Variants in MS4A4E observed in about 807,000 individuals in gnomAD.
MS4A4E encodes the protein membrane spanning 4-domains A4E, also known as putative membrane-spanning 4-domains subfamily A member 4E.
In MS4A4E, 23 loss-of-function variants were observed where a neutral mutation model predicts 13.3. The observed-to-expected ratio is 1.73, with a 90% CI of 1.25 to 2.45. The LOEUF is 2.45. Among genes scored for constraint, MS4A4E ranks in the 30% most tolerant of loss-of-function variants. The probability of loss-of-function intolerance (pLI) is 0.00; values close to 1 mark genes in which losing one functional copy is unlikely to be tolerated. For synonymous variants in MS4A4E, 36 were observed against 45.6 expected, an observed-to-expected ratio of 0.79 and a Z score of 0.85; for missense variants, 144 against 131.2, an observed-to-expected ratio of 1.10 and a Z score of -0.48.
At chr11:60,221,337 G>A (rs963457002) in intron 3 of MS4A4E, among the ~76,000 whole-genome samples, 1 of 152,136 alleles carries the variant, frequency 6.6e-6, no homozygotes, top group Admixed American at 6.5e-5. Context: ...ACTCCTGAGG[G>A]CACAAGTAAG....
At chr11:60,223,077 T>C (rs1185536997) in intron 3 of MS4A4E, among the ~76,000 whole-genome samples, 1 of 151,746 alleles carries the variant, frequency 6.6e-6, no homozygotes, top group Non-Finnish European at 1.5e-5. Flanking sequence ...CCTGCTGAGG[T>C]GCTTCCTGAA....
At chr11:60,232,523 A>G (rs767565845) in intron 1 of MS4A4E, among the ~76,000 whole-genome samples, 13 of 152,148 alleles carry the variant, frequency 8.5e-5, no homozygotes, top group Non-Finnish European at 1.5e-4. Context: ...CCTACAGGGA[A>G]AAGGTTAGTG....
chr11:60,202,136 G>A (rs1007645091), intron 8 of MS4A4E, among the ~76,000 whole-genome samples: 2 of 152,186 alleles, frequency 1.3e-5, no homozygotes, highest in African/African-American at 4.8e-5. Flanking sequence ...CAGCAGAGCA[G>A]CCACTTGCAA....
Position 60,228,639 on chromosome 11 carries a change from T to C in MS4A4E, c.145-12A>G. ...TGTCCACACAAAACCTGCACACAGA[T>C]ATTTATAGCAACGTTACTCCTAATT... is the stretch of plus-strand genomic sequence containing the variant. On this transcript the variant is annotated splice_polypyrimidine_tract_variant and intron_variant, in intron 2 of 8. Transcript: ENST00000651255. 1 of 697,202 alleles carries C rather than the reference T, an allele frequency of 1.4e-6. No individual in the cohort carries two copies. The highest frequency in any genetic ancestry group is 2.6e-6 in the Non-Finnish European group (1 of 382,448). The allele number at this position is 697,202 out of a possible 1,614,324, so 43.2% of individuals were successfully genotyped here.
chr11:60,230,249 A>C (rs1242804541), intron 1 of MS4A4E, among the ~76,000 whole-genome samples, 178 bp from the exon 2 acceptor site: 1 of 152,184 alleles, frequency 6.6e-6, no homozygotes, highest in East Asian at 1.9e-4. Context: ...GGGTGGAGAG[A>C]GAGAGAGAGA....
rs1459693652 is a variant in MS4A4E, at chr11:60,208,486, CTGAAATATAATGAA to C, written c.483+93_483+106del. ...GGCCCAGACTCTTGATCCATGGAAACTGAAATATAATGAATGTGTACTGTGTTAAGACTATAAGT... is the reference window on the plus strand; with the variant it reads ...GGCCCAGACTCTTGATCCATGGAAACTGTGTACTGTGTTAAGACTATAAGT... On this transcript the variant is annotated intron_variant, in intron 6 of 8. Transcript: ENST00000651255. The C allele has an allele frequency of 4.7e-5, 16 of 338,328 alleles. No homozygotes were observed. The Admixed American group carries it at 6.1e-4, about 13-fold the overall frequency. 21.0% of individuals were successfully genotyped at this position (338,328 alleles called of 1,614,324 possible). A position where few individuals can be genotyped will look rare whatever the true frequency, so the allele number is the denominator to read the frequency against.
chr11:60,206,076 T>C (rs2084036277), intron 6 of MS4A4E, among the ~76,000 whole-genome samples: 1 of 152,110 alleles, frequency 6.6e-6, no homozygotes, highest in African/African-American at 2.4e-5. Context: ...TCCAAGGTAC[T>C]TTCTATGGGT....
intron 3 of MS4A4E, chr11:60,225,109 G>C: frequency 6.7e-7 from 1 of 1,501,468 alleles, no homozygotes. Flanking sequence ...AATGATGAAA[G>C]CAAAAACTGA....
At chr11:60,208,878 A>G (rs952995980) in intron 5 of MS4A4E, among the ~76,000 whole-genome samples, 184 bp from the exon 6 acceptor site, 6 of 152,192 alleles carry the variant, frequency 3.9e-5, no homozygotes, top group Non-Finnish European at 8.8e-5. Flanking sequence ...TTTTTTCACT[A>G]ATAAAATAAT....
intron 1 of MS4A4E, among the ~76,000 whole-genome samples, chr11:60,232,284 AACACACACACAC>A (rs3221531): frequency 1.4e-4 from 18 of 130,166 alleles, no homozygotes; most frequent in African/African-American, 3.5e-4. Context: ...CATCGCCATC[AACACACACACAC>A]ACACACACAC....
rs2083977078 is a variant in MS4A4E at position 60,200,923 on chromosome 11, A to G, written c.*620T>C. Among the ~76,000 whole-genome samples the G allele has an allele frequency of 7.6e-6, 1 of 131,220 alleles. No individual in the cohort carries two copies. The highest frequency in any genetic ancestry group is 1.6e-5 in the Non-Finnish European group (1 of 62,030). The allele number at this position is 131,220 out of a possible 152,430, so 86.1% of individuals were successfully genotyped here. ...GGGCGGCTGGCCGGGCGGGGGGCTG[A>G]CCCCTCCACCTCCCTCCCGGACGGG... On this transcript the variant is annotated 3_prime_UTR_variant, in exon 9 of 9. Coordinates refer to ENST00000651255, the MANE Select transcript of MS4A4E (RefSeq NM_001393391.1).
At chr11:60,232,321 A>ACACACACACACACACACACACACACAC (rs556719466) in intron 1 of MS4A4E, among the ~76,000 whole-genome samples, 1 of 147,324 alleles carries the variant, frequency 6.8e-6, no homozygotes, top group Non-Finnish European at 1.5e-5. Flanking sequence ...ACACACACAC[A>ACACACACACACACACACACACACACAC]CCAAAAATGA....
In MS4A4E at chr11:60,238,083, A is replaced by AT. The variant is rs201154950; in HGVS notation, c.-17+4874dup. Among the ~76,000 whole-genome samples the AT allele has an allele frequency of 4.1e-3, 615 of 149,200 alleles. 4 individuals carry two copies. The highest frequency in any genetic ancestry group is 0.021 in the Middle Eastern group (6 of 290). On this transcript the variant is annotated intron_variant, in intron 1 of 8. Coordinates refer to ENST00000651255, the MANE Select transcript of MS4A4E (RefSeq NM_001393391.1). ...ACATGTTGCCGAATTCTGCTTGCTA[A>AT]TTTTTTTTTAGCATTTGTGTCTGTA... is the stretch of plus-strand genomic sequence containing the variant.
At chr11:60,221,891 C>T (rs1390532626) in intron 3 of MS4A4E, among the ~76,000 whole-genome samples, 1 of 152,192 alleles carries the variant, frequency 6.6e-6, no homozygotes, top group Non-Finnish European at 1.5e-5. Flanking sequence ...CAGGATGACT[C>T]ATTCTATGGA....
At chr11:60,234,595 C>T (rs1232235737) in intron 1 of MS4A4E, among the ~76,000 whole-genome samples, 2 of 152,120 alleles carry the variant, frequency 1.3e-5, no homozygotes, top group African/African-American at 2.4e-5. Context: ...CATGGGATCA[C>T]CCTCACCAGA....
At chr11:60,235,281 C>CA (rs1204265349) in intron 1 of MS4A4E, among the ~76,000 whole-genome samples, 7 of 152,142 alleles carry the variant, frequency 4.6e-5, no homozygotes, top group Non-Finnish European at 7.3e-5. Flanking sequence ...TTTGTAGAGA[C>CA]AGAGTTTTGC....
intron 3 of MS4A4E, among the ~76,000 whole-genome samples, chr11:60,217,118 A>G (rs2084205554): frequency 6.6e-6 from 1 of 152,132 alleles, no homozygotes; most frequent in East Asian, 1.9e-4. Context: ...GAACTCAGGG[A>G]TTCTAACTCT....
At chr11:60,214,202 G>A (rs116470872) in intron 4 of MS4A4E, among the ~76,000 whole-genome samples, 8 of 152,032 alleles carry the variant, frequency 5.3e-5, no homozygotes, top group East Asian at 1.9e-4. Flanking sequence ...CACCGCGCCC[G>A]GCCAGAATCT....
At chr11:60,240,741 A>T (rs2084537967) in intron 1 of MS4A4E, among the ~76,000 whole-genome samples, 1 of 152,154 alleles carries the variant, frequency 6.6e-6, no homozygotes, top group African/African-American at 2.4e-5. Flanking sequence ...TCCCCCGGCC[A>T]TGACCACCTT....
Sources: gnomAD v4.1 joint callset for allele counts (sites outside exome capture counted in the v4.1 genomes callset) on GRCh38, gnomAD v4.1.1 for gene constraint, MANE v1.5 for transcripts, NCBI Gene and HGNC (gene_info 2026-07-23, HGNC 2026-07-21) for gene names.